Variants in CSMD1 observed in about 807,000 individuals in gnomAD.
CSMD1 encodes the protein CUB and Sushi multiple domains 1, also known as CUB and sushi domain-containing protein 1.
Under a neutral mutation model 417.5 loss-of-function variants are expected in CSMD1, and 213 were observed. The ratio of observed to expected loss-of-function variants is 0.51; its 90% CI spans 0.46 to 0.57. The LOEUF (loss-of-function observed/expected upper bound fraction) is 0.57. Among genes scored for constraint, CSMD1 ranks in the 20% least tolerant of loss-of-function variants. The probability of loss-of-function intolerance (pLI) is 0.00; values close to 1 mark genes in which losing one functional copy is unlikely to be tolerated. For missense variants in CSMD1, 6,923 were observed against 4,529.7 expected, an observed-to-expected ratio of 1.53 and a Z score of -15.17; for synonymous variants, 2,862 against 1,736.8, an observed-to-expected ratio of 1.65 and a Z score of -16.11.
intron 2 of CSMD1, among the ~76,000 whole-genome samples, chr8:4,506,737 C>T (rs2130316141): frequency 6.6e-6 from 1 of 152,288 alleles, no homozygotes; most frequent in South Asian, 2.1e-4. Flanking sequence ...ATTGTTTCAT[C>T]AGCTTATATA....
At chr8:4,074,364 A>G (rs1319172172) in intron 3 of CSMD1, among the ~76,000 whole-genome samples, 1 of 152,154 alleles carries the variant, frequency 6.6e-6, no homozygotes, top group Non-Finnish European at 1.5e-5. Context: ...TATTTAGTCC[A>G]TAAATGATAG....
chr8:4,071,100 C>T (rs1229528366), intron 3 of CSMD1, among the ~76,000 whole-genome samples: 2 of 152,044 alleles, frequency 1.3e-5, no homozygotes, highest in Non-Finnish European at 2.9e-5. Context: ...TTTCAGTTTA[C>T]AGAGACTCTT....
chr8:4,320,626 G>C (rs1305155194), intron 3 of CSMD1, among the ~76,000 whole-genome samples: 3 of 151,900 alleles, frequency 2.0e-5, no homozygotes, highest in Admixed American at 2.0e-4. Context: ...TTCTGTTCTT[G>C]TGTTACTTTG....
intron 3 of CSMD1, among the ~76,000 whole-genome samples, chr8:4,389,894 G>C (rs1803726920): frequency 1.3e-5 from 2 of 152,072 alleles, no homozygotes; most frequent in African/African-American, 2.4e-5. Context: ...CATGTGGGTT[G>C]TTTCCAGTTT....
At chr8:4,206,211 A>G (rs1035209191) in intron 3 of CSMD1, among the ~76,000 whole-genome samples, 8 of 152,216 alleles carry the variant, frequency 5.3e-5, no homozygotes, top group African/African-American at 1.9e-4. Flanking sequence ...CTTTTTTTAA[A>G]TACTTTAAGT....
chr8:4,168,826 GCT>G (rs1797604866), intron 3 of CSMD1, among the ~76,000 whole-genome samples: 1 of 151,734 alleles, frequency 6.6e-6, no homozygotes, highest in Admixed American at 6.6e-5. Context: ...CTTCATTCCG[GCT>G]CTCTGTTGTC....
intron 3 of CSMD1, among the ~76,000 whole-genome samples, chr8:4,147,735 AG>A (rs1796335142): frequency 6.6e-6 from 1 of 152,128 alleles, no homozygotes; most frequent in Non-Finnish European, 1.5e-5. Flanking sequence ...AAGCTCACCT[AG>A]GTTAACAACC....
intron 3 of CSMD1, among the ~76,000 whole-genome samples, chr8:4,192,809 C>A (rs1040342873): frequency 7.2e-5 from 11 of 152,178 alleles, no homozygotes; most frequent in Non-Finnish European, 1.3e-4. Flanking sequence ...AACCTCCTCA[C>A]TCATTACTTG....
intron 1 of CSMD1, among the ~76,000 whole-genome samples, chr8:4,895,026 G>GT (rs1405165257): frequency 6.6e-6 from 1 of 152,118 alleles, no homozygotes. Context: ...CTTGACCTGA[G>GT]TTTTTTCATT....
At chr8:4,530,375 G>T (rs1211540997) in intron 2 of CSMD1, among the ~76,000 whole-genome samples, 1 of 118,780 alleles carries the variant, frequency 8.4e-6, no homozygotes, top group African/African-American at 3.2e-5. Flanking sequence ...CTTGCTGAAC[G>T]TGCAGGTTTG....
chr8:3,080,914 G>C (rs184452570), intron 49 of CSMD1, among the ~76,000 whole-genome samples: 1 of 152,036 alleles, frequency 6.6e-6, no homozygotes, highest in African/African-American at 2.4e-5. Flanking sequence ...CTAAAAATAT[G>C]ATGCGTCTAC....
chr8:4,549,103 A>G (rs1166481366), intron 2 of CSMD1, among the ~76,000 whole-genome samples: 3 of 152,132 alleles, frequency 2.0e-5, no homozygotes, highest in Non-Finnish European at 4.4e-5. Context: ...GTTTGACTTA[A>G]GAAAAGTGGT....
intron 23 of CSMD1, among the ~76,000 whole-genome samples, chr8:3,341,668 G>A (rs996348670): frequency 1.3e-5 from 2 of 152,180 alleles, no homozygotes; most frequent in Admixed American, 6.5e-5. Context: ...GGGAGCCATA[G>A]CAGGGGCAGG....
intron 5 of CSMD1, among the ~76,000 whole-genome samples, chr8:3,917,028 G>C (rs1584960087): frequency 1.3e-5 from 2 of 152,130 alleles, no homozygotes; most frequent in African/African-American, 4.8e-5. Flanking sequence ...ACTGGAAATT[G>C]ATTTTATTTT....
chr8:4,519,561 G>A (rs1315266812), intron 2 of CSMD1, among the ~76,000 whole-genome samples: 1 of 151,200 alleles, frequency 6.6e-6, no homozygotes, highest in African/African-American at 2.4e-5. Flanking sequence ...ACAACATGGT[G>A]AAACCCCGTC....
intron 3 of CSMD1, among the ~76,000 whole-genome samples, chr8:4,193,370 T>C (rs1001043760): frequency 6.6e-6 from 1 of 152,196 alleles, no homozygotes; most frequent in Non-Finnish European, 1.5e-5. Flanking sequence ...CCAGTTTAAA[T>C]GTACTGAGTA....
At chr8:3,877,203 C>T (rs1805881614) in intron 5 of CSMD1, among the ~76,000 whole-genome samples, 1 of 152,272 alleles carries the variant, frequency 6.6e-6, no homozygotes, top group Middle Eastern at 3.4e-3. Context: ...GAAGTGGACA[C>T]TGGGCTCAGC....
chr8:4,693,654 G>C (rs1339948849), intron 1 of CSMD1, among the ~76,000 whole-genome samples: 2 of 152,046 alleles, frequency 1.3e-5, no homozygotes, highest in African/African-American at 2.4e-5. Flanking sequence ...TTTCATTTTA[G>C]TATTCATTTT....
At chr8:4,905,616 G>A (rs553905782) in intron 1 of CSMD1, among the ~76,000 whole-genome samples, 14 of 151,654 alleles carry the variant, frequency 9.2e-5, no homozygotes, top group South Asian at 4.2e-4. Context: ...TCATGAGATC[G>A]AGGCCATCCT....
Sources: gnomAD v4.1 joint callset for allele counts (sites outside exome capture counted in the v4.1 genomes callset) on GRCh38, gnomAD v4.1.1 for gene constraint, MANE v1.5 for transcripts, NCBI Gene and HGNC (gene_info 2026-07-23, HGNC 2026-07-21) for gene names.